The following ANKRD36C variants were observed in gnomAD, a reference collection of about 807,000 sequenced individuals.
ANKRD36C encodes the protein ankyrin repeat domain-containing protein 36C.
Under a neutral mutation model 276.4 loss-of-function variants are expected in ANKRD36C, and 61 were observed. The ratio of observed to expected loss-of-function variants is 0.22; its 90% confidence interval spans 0.18 to 0.27. The LOEUF is 0.27. Ranked by LOEUF, ANKRD36C falls within the 10% of genes least tolerant of loss-of-function variation. The pLI, the probability that ANKRD36C is intolerant of heterozygous loss-of-function variation, is 1.00. For synonymous variants in ANKRD36C, 483 were observed against 680.1 expected, an observed-to-expected ratio of 0.71 and a Z score of 4.51; for missense variants, 1,447 against 2,032.3, an observed-to-expected ratio of 0.71 and a Z score of 5.54.
intron 1 of ANKRD36C, among the ~76,000 whole-genome samples, chr2:95,990,038 AT>A (rs973653819): frequency 4.6e-5 from 7 of 151,912 alleles, no homozygotes; most frequent in South Asian, 2.1e-4. Flanking sequence ...TATAAACTGG[AT>A]TTTTTTTATT....
chr2:95,982,541 C>A (rs112636353), intron 3 of ANKRD36C, among the ~76,000 whole-genome samples, 179 bp from the exon 4 acceptor site: 1 of 124,402 alleles, frequency 8.0e-6, no homozygotes, highest in Non-Finnish European at 1.6e-5. Flanking sequence ...TGGAAACAAC[C>A]TCCTCTGCCT....
intron 42 of ANKRD36C, 76 bp downstream of exon 44, chr2:95,912,168 C>A: frequency 1.3e-6 from 2 of 1,524,682 alleles, no homozygotes; most frequent in Admixed American, 2.0e-5. Context: ...TTCGACCAGC[C>A]CCCCACTGAT....
At chr2:95,963,843 T>A (rs2104509540) in intron 6 of ANKRD36C, among the ~76,000 whole-genome samples, 1 of 123,558 alleles carries the variant, frequency 8.1e-6, no homozygotes, top group African/African-American at 3.1e-5. Flanking sequence ...GTCAAAGAAA[T>A]CATGCATAAT....
chr2:95,903,495 A>G (rs2104382430), intron 42 of ANKRD36C, among the ~76,000 whole-genome samples: 1 of 151,534 alleles, frequency 6.6e-6, no homozygotes, highest in African/African-American at 2.4e-5. Context: ...TATACTACAA[A>G]CATTCATCGT....
chr2:95,923,079 G>A (rs1338904799), intron 32 of ANKRD36C, among the ~76,000 whole-genome samples: 2 of 151,504 alleles, frequency 1.3e-5, no homozygotes, highest in Non-Finnish European at 3.0e-5. Flanking sequence ...GGTCTCATTA[G>A]TTCTCGTTCT....
At chr2:95,955,756 C>T (rs200831523) in intron 13 of ANKRD36C, among the ~76,000 whole-genome samples, 24 of 145,330 alleles carry the variant, frequency 1.7e-4, no homozygotes, top group East Asian at 8.6e-4. Flanking sequence ...AAATAATTTT[C>T]TCTCTTTGAG....
intron 6 of ANKRD36C, among the ~76,000 whole-genome samples, chr2:95,969,882 T>A (rs1269204381): frequency 2.0e-5 from 3 of 151,940 alleles, no homozygotes; most frequent in Non-Finnish European, 2.9e-5. Context: ...AATCTCTTAT[T>A]GTGCCTAATT....
intron 54 of ANKRD36C, 30 bp downstream of exon 74, chr2:95,884,143 C>CATG: frequency 6.3e-7 from 1 of 1,589,260 alleles, no homozygotes; most frequent in East Asian, 2.3e-5. Context: ...CTGGACTGAA[C>CATG]ATGACATTAA....
chr2:95,970,343 C>G (rs1048377622), intron 6 of ANKRD36C, among the ~76,000 whole-genome samples: 32 of 152,124 alleles, frequency 2.1e-4, no homozygotes, highest in African/African-American at 7.5e-4. Flanking sequence ...TCATTTTTAG[C>G]TCCTTCAAAA....
intron 12 of ANKRD36C, among the ~76,000 whole-genome samples, 180 bp from the exon 13 acceptor site, chr2:95,956,996 ATCTT>A (rs1460371865): frequency 6.6e-6 from 1 of 151,872 alleles, no homozygotes; most frequent in Admixed American, 6.6e-5. Flanking sequence ...GAAACACTCT[ATCTT>A]TATTTTTAAA....
chr2:95,925,827 G>A (rs907766849), intron 28 of ANKRD36C, among the ~76,000 whole-genome samples: 10 of 151,540 alleles, frequency 6.6e-5, no homozygotes, highest in South Asian at 2.1e-4. Flanking sequence ...TGGATATGCC[G>A]AATGATGAAA....
chr2:95,991,698 T>C (rs766777975), exon 1 of ANKRD36C: 7 of 1,613,062 alleles, frequency 4.3e-6, no homozygotes, highest in Non-Finnish European at 5.9e-6. Context: ...CTTCGGCTCC[T>C]TGTCATCCAT....
chr2:95,990,550 TGTC>T lies in ANKRD36C; in HGVS notation c.197+959_197+961del, dbSNP rs376068069. Among the ~76,000 whole-genome samples, 97 of 152,382 alleles carry T rather than the reference TGTC, an allele frequency of 6.4e-4. 1 individual carries two copies. In the East Asian group the frequency reaches 0.017, roughly 26 times the overall value. On this transcript the variant is annotated intron_variant, in intron 1 of 66. Transcript: ENST00000456556. ...GACTCCATTTCAAAAGTTTTCTTAA[TGTC>T]GTCACAATAGTAAAAGACAGCATGA...
chr2:95,990,188 G>A (rs1200007747), intron 1 of ANKRD36C, among the ~76,000 whole-genome samples: 1 of 152,050 alleles, frequency 6.6e-6, no homozygotes, highest in Non-Finnish European at 1.5e-5. Context: ...ATTCCATAAC[G>A]AACTTATTTC....
At chr2:95,910,274 A>C in intron 42 of ANKRD36C, 99 bp downstream of exon 46, 1 of 1,307,878 alleles carries the variant, frequency 7.6e-7, no homozygotes, top group Non-Finnish European at 1.0e-6. Context: ...GCTGAATCAG[A>C]AAGTGCAGCT....
chr2:95,944,285 C>A (rs1180673193), intron 19 of ANKRD36C, among the ~76,000 whole-genome samples: 1 of 152,148 alleles, frequency 6.6e-6, no homozygotes, highest in South Asian at 2.1e-4. Context: ...ATTTGTGGAG[C>A]TGTTCTTTCA....
chr2:95,902,093 G>GT (rs1193229820), intron 42 of ANKRD36C, among the ~76,000 whole-genome samples: 6 of 148,888 alleles, frequency 4.0e-5, no homozygotes, highest in Non-Finnish European at 9.0e-5. Context: ...CTCTAAAGAA[G>GT]TTTCATTAAA....
intron 17 of ANKRD36C, 95 bp downstream of exon 17, chr2:95,948,435 C>G: frequency 7.8e-7 from 1 of 1,286,356 alleles, no homozygotes; most frequent in Non-Finnish European, 1.0e-6. Context: ...TAACATAAAA[C>G]AATGATAGGT....
chr2:95,937,363 A>C (rs1005605497), intron 22 of ANKRD36C, among the ~76,000 whole-genome samples: 32 of 152,414 alleles, frequency 2.1e-4, no homozygotes, highest in African/African-American at 7.2e-4. Context: ...TTGCTGGTAT[A>C]AACAAGACAA....
Sources: gnomAD v4.1 joint callset for allele counts (sites outside exome capture counted in the v4.1 genomes callset) on GRCh38, gnomAD v4.1.1 for gene constraint, MANE v1.5 for transcripts, NCBI Gene and HGNC (gene_info 2026-07-23, HGNC 2026-07-21) for gene names.